The following TUBA1B variants were observed in gnomAD, a reference collection of about 807,000 sequenced individuals.
The protein encoded by TUBA1B is tubulin alpha 1b.
Under a neutral mutation model 34.4 loss-of-function variants are expected in TUBA1B, and 1 was observed. The observed-to-expected ratio is 0.03, with a 90% CI of 0.01 to 0.14. The LOEUF is 0.14. Ranked by LOEUF, TUBA1B falls within the 10% of genes least tolerant of loss-of-function variation. The pLI, the probability that TUBA1B is intolerant of heterozygous loss-of-function variation, is 1.00. For synonymous variants in TUBA1B, 197 were observed against 212.5 expected, an observed-to-expected ratio of 0.93 and a Z score of 0.64; for missense variants, 54 against 583.6, an observed-to-expected ratio of 0.09 and a Z score of 9.35.
intron 2 of TUBA1B, 32 bp downstream of exon 2, chr12:49,129,468 C>T: frequency 1.2e-6 from 2 of 1,613,758 alleles, no homozygotes; most frequent in Non-Finnish European, 1.7e-6. Flanking sequence ...GTCCCAGCAT[C>T]CTGGGATCTC....
At position 49,128,297 on chromosome 12, in the gene TUBA1B, G is replaced by A. The variant is rs1059258; in HGVS notation, c.1017C>T (p.Arg339=). The A allele has an allele frequency of 7.4e-6, 12 of 1,614,064 alleles. No individual in the cohort carries two copies. Among genetic ancestry groups the A allele is most frequent in the Non-Finnish European group, 7.6e-6 (9 of 1,180,022 alleles). ...GGCACCAATCCACAAACTGGATGCT[G>A]CGCTTGGTTTTGATGGTGGCAATGG... ...NAAIATIKTK[R]SIQFVDWCPT... Residue 339 remains arginine, a synonymous_variant, in exon 4 of 4, where the codon CGC becomes CGT. Coordinates refer to ENST00000336023, the MANE Select transcript of TUBA1B (RefSeq NM_006082.3). The surrounding 1 kb of genome is among the most constrained non-coding windows in gnomAD (Gnocchi z 8.1).
chr12:49,129,899 G>A (rs1941781782), intron 1 of TUBA1B, 177 bp from the exon 2 acceptor site: 1 of 1,201,428 alleles, frequency 8.3e-7, no homozygotes, highest in African/African-American at 1.5e-5. Context: ...CCCCACCTCA[G>A]CCTCTGGAGC....
intron 1 of TUBA1B, chr12:49,131,024 G>A (rs1435107069): frequency 2.3e-6 from 1 of 436,062 alleles, no homozygotes; most frequent in East Asian, 3.7e-5. Flanking sequence ...CGCGACAAAA[G>A]AGAGCTCCGG....
Position 49,131,286 on chromosome 12 carries a change from C to T in TUBA1B, c.3+12G>A. 3.1e-6 allele frequency: 5 copies of T among 1,609,884 alleles called. No homozygotes were observed. Among genetic ancestry groups the T allele is most frequent in the Non-Finnish European group, 4.2e-6 (5 of 1,178,226 alleles). On this transcript the variant is annotated intron_variant, in intron 1 of 3. Transcript: ENST00000336023. The stretch of plus-strand genomic sequence containing the variant: ...TCCCTGAAAGCAGCCGGGAGCCGCA[C>T]GGCTTACTCACCATAGTGGCTAGGG...
rs369427053 is a variant in TUBA1B, at chr12:49,131,351, G to A, written c.-51C>T. 3.4e-5 allele frequency: 54 copies of A among 1,605,186 alleles called. No individual in the cohort carries two copies. The highest frequency in any genetic ancestry group is 4.2e-5 in the Non-Finnish European group (49 of 1,175,640). ...GCGACAGGAGCAGACACCGGGTCCC[G>A]GTTACCGTCCCCGACAAGCTAAGAG... is the stretch of plus-strand genomic sequence containing the variant. On this transcript the variant is annotated 5_prime_UTR_variant, in exon 1 of 4. Coordinates refer to ENST00000336023, the MANE Select transcript of TUBA1B (RefSeq NM_006082.3).
chr12:49,127,936 C>T lies in TUBA1B; in HGVS notation c.*22G>A. On this transcript the variant is annotated 3_prime_UTR_variant, in exon 4 of 4. Transcript: ENST00000336023. ...GAAATTCTGGGAGCATGACATGCTG[C>T]AGGGCCAAAAGGAATGGATAATTAG... 6.2e-7 allele frequency: 1 copy of T among 1,613,944 alleles called. No homozygotes were observed.
At position 49,127,991 on chromosome 12, in the gene TUBA1B, T is replaced by C. The variant is rs1369701738; in HGVS notation, c.1323A>G (p.Glu441=). 1 of 1,614,162 alleles carries C rather than the reference T, an allele frequency of 6.2e-7. No individual in the cohort carries two copies. The highest frequency in any genetic ancestry group is 2.2e-5 in the East Asian group (1 of 44,892). ...DYEEVGVDSV[E]GEGEEEGEEY is the part of the protein sequence containing the mutation. ...CCTCTCCTTCTTCCTCACCCTCTCC[T>C]TCAACAGAATCCACACCAACCTCCT... Residue 441 remains glutamate, a synonymous_variant, in exon 4 of 4, where the codon GAA becomes GAG. Transcript: ENST00000336023.
In TUBA1B at chr12:49,129,309, T is replaced by C; in HGVS notation, c.308A>G (p.Tyr103Cys). 6.2e-7 allele frequency: 1 copy of C among 1,614,138 alleles called. No individual in the cohort carries two copies. The highest frequency in any genetic ancestry group is 8.5e-7 in the Non-Finnish European group (1 of 1,180,024). ...GCCAATGGTGTAGTGCCCTCGGGCA[T>C]AGTTATTGGCAGCATCTTCCTTGCC... The part of the protein sequence containing the change: ...ITGKEDAANN[Y>C]ARGHYTIGKE... Residue 103 changes from tyrosine (Y) to cysteine (C), a missense_variant, in exon 3 of 4, where the codon TAT becomes TGT. This residue lies in a region of TUBA1B where 28 missense variants were observed against 203.8 expected (regional missense o/e 0.14). Coordinates refer to ENST00000336023, the MANE Select transcript of TUBA1B (RefSeq NM_006082.3).
chr12:49,130,570 A>T (rs1941792079), intron 1 of TUBA1B: 1 of 350,316 alleles, frequency 2.9e-6, no homozygotes. Context: ...GTTCCCTCAA[A>T]ATCCCTTACT....
intron 1 of TUBA1B, chr12:49,129,970 T>C (rs1941783036): frequency 2.0e-6 from 2 of 997,720 alleles, no homozygotes; most frequent in African/African-American, 3.3e-5. Context: ...TTTGTGGAGA[T>C]GAGGTCTGGC....
At position 49,128,947 on chromosome 12, in the gene TUBA1B, G is replaced by T. The variant is rs1205500554; in HGVS notation, c.376-9C>A. The T allele has an allele frequency of 1.9e-6, 3 of 1,577,854 alleles. No homozygotes were observed. The highest frequency in any genetic ancestry group is 2.7e-5 in the African/African-American group (2 of 72,782). ...CCGGTGCACTGGTCAGCCTGTAGGG[G>T]AATAAAAAAATGTAATATTTTAATG... On this transcript the variant is annotated splice_polypyrimidine_tract_variant and intron_variant, in intron 3 of 3. Coordinates refer to ENST00000336023, the MANE Select transcript of TUBA1B (RefSeq NM_006082.3). The surrounding 1 kb of genome is among the most constrained non-coding windows in gnomAD (Gnocchi z 8.1).
At position 49,127,953 on chromosome 12, in the gene TUBA1B, G is replaced by T. The variant is rs1288546949; in HGVS notation, c.*5C>A. 3 of 1,614,028 alleles carry T rather than the reference G, an allele frequency of 1.9e-6. No homozygotes were observed. Among genetic ancestry groups the T allele is most frequent in the Non-Finnish European group, 2.5e-6 (3 of 1,179,934 alleles). On this transcript the variant is annotated 3_prime_UTR_variant, in exon 4 of 4. Coordinates refer to ENST00000336023, the MANE Select transcript of TUBA1B (RefSeq NM_006082.3). The stretch of plus-strand genomic sequence containing the variant: ...ACATGCTGCAGGGCCAAAAGGAATG[G>T]ATAATTAGTATTCCTCTCCTTCTTC...
At chr12:49,130,638 A>T (rs888142680) in intron 1 of TUBA1B, 59 of 340,356 alleles carry the variant, frequency 1.7e-4, no homozygotes, top group Admixed American at 1.9e-4. Context: ...TGGCCTCTAC[A>T]GACTGTTGTG....
chr12:49,131,371 T>G lies in TUBA1B; in HGVS notation c.-71A>C. 6.3e-7 allele frequency: 1 copy of G among 1,581,378 alleles called. No homozygotes were observed. Among genetic ancestry groups the G allele is most frequent in the Non-Finnish European group, 8.6e-7 (1 of 1,157,966 alleles). On this transcript the variant is annotated 5_prime_UTR_variant, in exon 1 of 4. Transcript: ENST00000336023. The stretch of plus-strand genomic sequence containing the variant: ...GTCCCGGTTACCGTCCCCGACAAGC[T>G]AAGAGTCGAGGTAAGTAACGCACTA...
At chr12:49,131,175 C>G (rs2121169727) in intron 1 of TUBA1B, 123 bp downstream of exon 1, 1 of 1,304,108 alleles carries the variant, frequency 7.7e-7, no homozygotes, top group African/African-American at 1.5e-5. Flanking sequence ...GCCTCGTTTT[C>G]CGCCCTCCAA....
In TUBA1B at chr12:49,129,733, G is replaced by A. The variant is rs375929460; in HGVS notation, c.4-11C>T. On this transcript the variant is annotated splice_polypyrimidine_tract_variant and intron_variant, in intron 1 of 3. Coordinates refer to ENST00000336023, the MANE Select transcript of TUBA1B (RefSeq NM_006082.3). ...GGAGATGCACTCACGCTGCGGGAAG[G>A]AAAAAAGATATCACAATTTAAACCA... 8 of 1,594,916 alleles carry A rather than the reference G, an allele frequency of 5.0e-6. No individual in the cohort carries two copies. The highest frequency in any genetic ancestry group is 6.8e-6 in the Non-Finnish European group (8 of 1,171,854).
At position 49,128,168 on chromosome 12, in the gene TUBA1B, T is replaced by C. The variant is rs1386875678; in HGVS notation, c.1146A>G (p.Thr382=). The C allele has an allele frequency of 2.5e-6, 4 of 1,614,098 alleles. No homozygotes were observed. The highest frequency in any genetic ancestry group is 1.6e-4 in the Middle Eastern group (1 of 6,084). Residue 382 remains threonine (T), a synonymous_variant, in exon 4 of 4, where the codon ACA becomes ACG. Transcript: ENST00000336023. The surrounding 1 kb of genome is among the most constrained non-coding windows in gnomAD (Gnocchi z 8.1). Reference sequence around the variant, plus strand: ...GGCGAGCCCAGGCCTCAGCAATGGCTGTGGTGTTGCTCAGCATGCACACAG... The same window carrying C: ...GGCGAGCCCAGGCCTCAGCAATGGCCGTGGTGTTGCTCAGCATGCACACAG... ...QRAVCMLSNT[T]AIAEAWARLD...
intron 1 of TUBA1B, chr12:49,130,584 A>G (rs1165016962): frequency 2.9e-6 from 1 of 349,980 alleles, no homozygotes; most frequent in Non-Finnish European, 5.7e-6. Context: ...CCTTACTGCC[A>G]CCACCTGCTC....
In TUBA1B at chr12:49,129,274, T is replaced by C; in HGVS notation, c.343A>G (p.Ile115Val). 1 of 1,614,210 alleles carries C rather than the reference T, an allele frequency of 6.2e-7. No homozygotes were observed. Among genetic ancestry groups the C allele is most frequent in the Non-Finnish European group, 8.5e-7 (1 of 1,180,038 alleles). Reference sequence around the variant, plus strand: ...CGAATTCGGTCCAACACAAGGTCAATGATCTCCTTGCCAATGGTGTAGTGC... The same window carrying C: ...CGAATTCGGTCCAACACAAGGTCAACGATCTCCTTGCCAATGGTGTAGTGC... ...RGHYTIGKEI[I>V]DLVLDRIRKL... The change falls in exon 3 of 4, where the codon ATT (isoleucine) becomes GTT (valine). Residue 115 changes from isoleucine to valine, a missense_variant. Physicochemically the swap from Ile to Val is conservative, Grantham distance 29. This residue lies in a region of TUBA1B where 28 missense variants were observed against 203.8 expected (regional missense o/e 0.14). Coordinates refer to ENST00000336023, the MANE Select transcript of TUBA1B (RefSeq NM_006082.3).
Sources: gnomAD v4.1 joint callset for allele counts on GRCh38, gnomAD v4.1.1 for gene constraint, gnomAD v4.1.1 regional missense constraint, Gnocchi (gnomAD v3.1) non-coding constraint, MANE v1.5 for transcripts, NCBI Gene and HGNC (gene_info 2026-07-23, HGNC 2026-07-21) for gene names.